ANO1: variants seen among roughly 807,000 people sequenced by gnomAD.
ANO1 encodes the protein anoctamin 1.
ANO1 carries 59 observed loss-of-function variants against 124.0 expected under a neutral mutation model. The ratio of observed to expected loss-of-function variants is 0.48; its 90% CI spans 0.39 to 0.59. ANO1 has a LOEUF of 0.59. ANO1 is among the 20% of genes least tolerant of loss of function. ANO1 has a pLI of 0.00. For missense variants in ANO1, 1,059 were observed against 1,328.0 expected, an observed-to-expected ratio of 0.80 and a Z score of 3.15; for synonymous variants, 529 against 532.0, an observed-to-expected ratio of 0.99 and a Z score of 0.08.
intron 5 of ANO1, 73 bp from the exon 6 acceptor site, chr11:70,108,280 C>T: frequency 6.7e-7 from 1 of 1,487,062 alleles, no homozygotes; most frequent in Non-Finnish European, 9.3e-7. Context: ...TCCTCTCCAG[C>T]CACAGCAGAC....
At chr11:70,063,914 CTT>C (rs1555008138) in intron 1 of ANO1, 1 of 152,068 alleles carries the variant, frequency 6.6e-6, no homozygotes, top group Non-Finnish European at 1.5e-5. Context: ...ATTCCTCTTT[CTT>C]TTTTACCTGG....
chr11:70,070,738 G>C (rs1857851089), intron 1 of ANO1, among the ~76,000 whole-genome samples: 1 of 152,226 alleles, frequency 6.6e-6, no homozygotes, highest in Non-Finnish European at 1.5e-5. Flanking sequence ...TGAGCCAATG[G>C]GCGAGTGAGC....
At chr11:70,124,512 C>T (rs1590799675) in intron 9 of ANO1, 98 bp downstream of exon 9, 13 of 1,286,942 alleles carry the variant, frequency 1.0e-5, no homozygotes, top group Non-Finnish European at 1.2e-5. Flanking sequence ...GTTCAGTACC[C>T]GGGAACGTGT....
At chr11:70,065,902 C>T (rs1348198224) in intron 1 of ANO1, among the ~76,000 whole-genome samples, 1 of 152,196 alleles carries the variant, frequency 6.6e-6, no homozygotes, top group Non-Finnish European at 1.5e-5. Flanking sequence ...CGTGTCTCCC[C>T]ACGCCTGCCC....
the ANO1 span, among the ~76,000 whole-genome samples, chr11:69,977,806 T>TC: frequency 6.6e-6 from 1 of 152,270 alleles, no homozygotes; most frequent in Non-Finnish European, 1.5e-5. Flanking sequence ...AGGCTGTGGC[T>TC]GCTCTGAGCA....
intron 22 of ANO1, 33 bp from the exon 23 acceptor site, chr11:70,179,971 G>A (rs566935524): frequency 2.1e-5 from 34 of 1,595,954 alleles, no homozygotes; most frequent in Admixed American, 2.0e-4. Flanking sequence ...AGAGTGTAGG[G>A]CTCTTTAAAA....
chr11:70,175,831 C>G (rs1250322953), intron 22 of ANO1, among the ~76,000 whole-genome samples: 1 of 152,046 alleles, frequency 6.6e-6, no homozygotes, highest in Non-Finnish European at 1.5e-5. Context: ...GGCAATTTTC[C>G]CCAACAGGGC....
chr11:70,002,012 C>A (rs1340863049), intron 1 of ANO1, among the ~76,000 whole-genome samples: 6 of 152,122 alleles, frequency 3.9e-5, no homozygotes, highest in Non-Finnish European at 5.9e-5. Context: ...ATGTTTTGGT[C>A]AATGACGAAC....
intron 1 of ANO1, among the ~76,000 whole-genome samples, chr11:70,027,369 A>T (rs1220071294): frequency 6.6e-6 from 1 of 152,234 alleles, no homozygotes; most frequent in African/African-American, 2.4e-5. Context: ...TGACTAGCTC[A>T]TGTAACTTAT....
chr11:70,177,925 G>GTTTTTAAGCATCCGTCTGCA (rs2048788676), intron 22 of ANO1, among the ~76,000 whole-genome samples: 1 of 152,148 alleles, frequency 6.6e-6, no homozygotes, highest in African/African-American at 2.4e-5. Context: ...CATTTTCCTG[G>GTTTTTAAGCATCCGTCTGCA]TTTTTAAGCA....
chr11:69,997,410 G>A (rs1160618770), intron 1 of ANO1, among the ~76,000 whole-genome samples: 1 of 152,170 alleles, frequency 6.6e-6, no homozygotes, highest in Non-Finnish European at 1.5e-5. Context: ...GGGCAGGAAG[G>A]GAGCATGCCA....
chr11:70,178,989 C>T (rs1342506481), intron 22 of ANO1, among the ~76,000 whole-genome samples: 2 of 152,202 alleles, frequency 1.3e-5, no homozygotes, highest in African/African-American at 4.8e-5. Flanking sequence ...GTTTCTAGCT[C>T]GGGGCCACAC....
At chr11:69,994,160 A>T (rs539473686) in intron 1 of ANO1, among the ~76,000 whole-genome samples, 2 of 151,468 alleles carry the variant, frequency 1.3e-5, no homozygotes, top group African/African-American at 4.9e-5. Flanking sequence ...CTAGCTGAGC[A>T]TCACCTCTGG....
intron 1 of ANO1, among the ~76,000 whole-genome samples, chr11:70,051,549 C>T (rs1857349945): frequency 1.3e-5 from 2 of 152,132 alleles, no homozygotes; most frequent in Non-Finnish European, 2.9e-5. Flanking sequence ...TTGACATTGT[C>T]AGGTTTTGTT....
At chr11:70,144,945 A>T (rs2135591251) in intron 11 of ANO1, among the ~76,000 whole-genome samples, 1 of 152,252 alleles carries the variant, frequency 6.6e-6, no homozygotes, top group East Asian at 1.9e-4. Context: ...ATCCGAGGGG[A>T]TCAGGCGTGG....
chr11:70,108,236 C>A, intron 5 of ANO1, 117 bp from the exon 6 acceptor site: 1 of 946,818 alleles, frequency 1.1e-6, no homozygotes, highest in Non-Finnish European at 1.6e-6. Flanking sequence ...GAAGATAGCA[C>A]CAAGGAGGTC....
the ANO1 span, among the ~76,000 whole-genome samples, chr11:69,972,292 A>G: frequency 6.6e-6 from 1 of 151,952 alleles, no homozygotes; most frequent in Non-Finnish European, 1.5e-5. Flanking sequence ...ATCTCAGCCT[A>G]AAATGTACAG....
rs542237772 is a variant in ANO1 at position 70,115,428 on chromosome 11, C to T, written c.856-1030C>T. Among the ~76,000 whole-genome samples, 5 of 152,162 alleles carry T rather than the reference C, an allele frequency of 3.3e-5. No individual in the cohort carries two copies. In the East Asian group the frequency reaches 7.7e-4, roughly 24 times the overall value. On this transcript the variant is annotated intron_variant, in intron 7 of 25. Transcript: ENST00000355303. ...AGGAGTTTGAGACCAGCCTGACCAA[C>T]GTGGTGAAACCCTGTCTCTACTAAA...
chr11:70,110,465 C>T (rs935127764), intron 6 of ANO1, among the ~76,000 whole-genome samples: 6 of 152,134 alleles, frequency 3.9e-5, no homozygotes, highest in African/African-American at 1.4e-4. Context: ...GGATTACAGG[C>T]GTGAGCCACT....
Sources: gnomAD v4.1 joint callset for allele counts (sites outside exome capture counted in the v4.1 genomes callset) on GRCh38, gnomAD v4.1.1 for gene constraint, MANE v1.5 for transcripts, NCBI Gene and HGNC (gene_info 2026-07-23, HGNC 2026-07-21) for gene names.